Variants in GRM8 observed in about 807,000 individuals in gnomAD.
The protein encoded by GRM8 is metabotropic glutamate receptor 8.
In GRM8, 47 loss-of-function variants were observed where a neutral mutation model predicts 87.2. That is an observed-to-expected ratio of 0.54 (90% CI 0.43 to 0.69). The LOEUF (loss-of-function observed/expected upper bound fraction) is 0.69. Among genes scored for constraint, GRM8 ranks in the 30% least tolerant of loss-of-function variants. The pLI is 0.00. For synonymous variants in GRM8, 396 were observed against 404.5 expected (o/e 0.98, Z 0.25); for missense variants, 1,019 against 1,139.2 (o/e 0.89, Z 1.52).
chr7:126,939,453 C>T (rs1187547649), intron 3 of GRM8, among the ~76,000 whole-genome samples: 1 of 152,156 alleles, frequency 6.6e-6, no homozygotes, highest in East Asian at 1.9e-4. Flanking sequence ...ACAATATCTC[C>T]CTCATGGGTT....
intron 9 of GRM8, among the ~76,000 whole-genome samples, chr7:126,522,977 T>C (rs1813222138): frequency 6.6e-6 from 1 of 152,250 alleles, no homozygotes; most frequent in Non-Finnish European, 1.5e-5. Flanking sequence ...AAGCAAACAT[T>C]TAATAAATAC....
At chr7:126,853,309 C>T (rs914311161) in intron 6 of GRM8, among the ~76,000 whole-genome samples, 10 of 151,984 alleles carry the variant, frequency 6.6e-5, no homozygotes, top group African/African-American at 2.4e-4. Flanking sequence ...TGATGGAGGT[C>T]GCAAGGTGTT....
chr7:127,197,268 C>A (rs1205282526), intron 2 of GRM8, among the ~76,000 whole-genome samples: 1 of 152,160 alleles, frequency 6.6e-6, no homozygotes, highest in Non-Finnish European at 1.5e-5. Flanking sequence ...GTAAAAATTA[C>A]TTAATTTTAT....
intron 3 of GRM8, among the ~76,000 whole-genome samples, chr7:127,015,909 T>A (rs1006462786): frequency 6.6e-6 from 1 of 152,140 alleles, no homozygotes; most frequent in African/African-American, 2.4e-5. Context: ...TGAACTGACA[T>A]TAAATTATAA....
chr7:126,772,651 T>A (rs746403554), intron 6 of GRM8, among the ~76,000 whole-genome samples: 1 of 152,110 alleles, frequency 6.6e-6, no homozygotes, highest in Non-Finnish European at 1.5e-5. Context: ...TATTGAAGTA[T>A]GAAAATAAAA....
At chr7:126,524,384 C>A (rs1384971216) in intron 9 of GRM8, among the ~76,000 whole-genome samples, 1 of 152,196 alleles carries the variant, frequency 6.6e-6, no homozygotes, top group Non-Finnish European at 1.5e-5. Context: ...AGACTTTGCT[C>A]AATTCTGTTT....
At chr7:127,050,840 C>T (rs1279751620) in intron 3 of GRM8, among the ~76,000 whole-genome samples, 1 of 152,152 alleles carries the variant, frequency 6.6e-6, no homozygotes, top group Non-Finnish European at 1.5e-5. Context: ...GAAGGAATGA[C>T]TGCTTTTCTC....
chr7:126,944,419 A>G (rs17869503), intron 3 of GRM8, among the ~76,000 whole-genome samples: 1 of 152,174 alleles, frequency 6.6e-6, no homozygotes, highest in Admixed American at 6.5e-5. Flanking sequence ...GAGAACCTAA[A>G]CTAGATACTT....
At chr7:126,809,540 A>G (rs1793097846) in intron 6 of GRM8, among the ~76,000 whole-genome samples, 1 of 152,196 alleles carries the variant, frequency 6.6e-6, no homozygotes, top group Non-Finnish European at 1.5e-5. Context: ...CCCATACTCT[A>G]CACTAGCCTT....
At chr7:127,242,564 G>A (rs1798369323) in intron 2 of GRM8, 131 bp downstream of exon 2, 1 of 766,718 alleles carries the variant, frequency 1.3e-6, no homozygotes, top group South Asian at 1.8e-5. Context: ...TGTCCCATTT[G>A]AGGAACCTGG....
chr7:127,113,111 T>C (rs994586182), intron 2 of GRM8, among the ~76,000 whole-genome samples: 4 of 152,202 alleles, frequency 2.6e-5, no homozygotes, highest in Non-Finnish European at 4.4e-5. Flanking sequence ...GACTTTTAGA[T>C]ACCAGAAATA....
chr7:126,869,048 T>A (rs186490709), intron 6 of GRM8: 87 of 152,346 alleles, frequency 5.7e-4, no homozygotes, highest in African/African-American at 2.0e-3. Flanking sequence ...ACTAAGTTTG[T>A]AGGAAATTAT....
chr7:126,536,490 T>C (rs1021993812), intron 8 of GRM8, among the ~76,000 whole-genome samples: 1 of 152,210 alleles, frequency 6.6e-6, no homozygotes, highest in Non-Finnish European at 1.5e-5. Flanking sequence ...CTATTAGATC[T>C]ATCCTGTCAG....
In GRM8 at chr7:127,051,738, G is replaced by GAAAAAAAAAAAAAAAAAAAAAAAA. The variant is rs1563454593; in HGVS notation, c.727+54757_727+54758insTTTTTTTTTTTTTTTTTTTTTTTT. 1.5e-4 allele frequency among the ~76,000 whole-genome samples: 2 copies of GAAAAAAAAAAAAAAAAAAAAAAAA among 13,054 alleles called. 1 individual carries two copies. The highest frequency in any genetic ancestry group is 3.8e-4 in the African/African-American group (2 of 5,298). The allele number at this position is 13,054 out of a possible 152,430, so 8.6% of individuals were successfully genotyped here. ...AGAAATCTCAAAAACATAATGTTGA[G>GAAAAAAAAAAAAAAAAAAAAAAAA]CAAAAAAAAAAAAAAAAAAAAAAAA... is the stretch of plus-strand genomic sequence containing the variant. On this transcript the variant is annotated intron_variant, in intron 3 of 10. Coordinates refer to ENST00000339582, the MANE Select transcript of GRM8 (RefSeq NM_000845.3).
intron 6 of GRM8, among the ~76,000 whole-genome samples, chr7:126,813,197 G>T (rs1309680753): frequency 6.6e-6 from 1 of 151,998 alleles, no homozygotes; most frequent in Non-Finnish European, 1.5e-5. Context: ...TCCTAGGGAG[G>T]TGACTATTAC....
intron 2 of GRM8, among the ~76,000 whole-genome samples, chr7:127,222,443 T>G (rs920575390): frequency 7.2e-5 from 11 of 152,154 alleles, no homozygotes; most frequent in African/African-American, 2.4e-4. Context: ...CCATTGCTTT[T>G]GAAGATACTC....
chr7:126,536,856 A>C (rs1324455822), intron 8 of GRM8, among the ~76,000 whole-genome samples: 2 of 152,032 alleles, frequency 1.3e-5, no homozygotes, highest in African/African-American at 4.8e-5. Context: ...ACAAAACAAA[A>C]AATGAAAAAC....
intron 7 of GRM8, among the ~76,000 whole-genome samples, chr7:126,619,838 G>A (rs908424310): frequency 5.3e-5 from 8 of 152,036 alleles, no homozygotes; most frequent in African/African-American, 1.9e-4. Flanking sequence ...TCACAGGCCT[G>A]TGCCACCATG....
At chr7:127,227,098 G>A (rs1797377520) in intron 2 of GRM8, among the ~76,000 whole-genome samples, 1 of 152,226 alleles carries the variant, frequency 6.6e-6, no homozygotes, top group Admixed American at 6.5e-5. Flanking sequence ...TTAGGTTAAA[G>A]GAGCCTCGGA....
Sources: allele counts gnomAD v4.1 joint callset (sites outside exome capture counted in the v4.1 genomes callset), GRCh38; gene constraint gnomAD v4.1.1; transcripts MANE v1.5; gene names NCBI Gene and HGNC (gene_info 2026-07-23, HGNC 2026-07-21).